The following COL6A5 variants were observed in gnomAD, a reference collection of about 807,000 sequenced individuals.
COL6A5 encodes the protein collagen alpha-5(VI) chain.
COL6A5 carries 48 observed loss-of-function variants against 65.6 expected under a neutral mutation model. The ratio of observed to expected loss-of-function variants is 0.73; its 90% CI spans 0.58 to 0.93. COL6A5 has a LOEUF of 0.93. Among genes scored for constraint, COL6A5 ranks in the 40% least tolerant of loss-of-function variants. The pLI is 0.00. For missense variants in COL6A5, 914 were observed against 928.3 expected (o/e 0.98, Z 0.20); for synonymous variants, 291 against 322.8 (o/e 0.90, Z 1.05).
chr3:130,384,944 G>C, exon 5 of COL6A5: 2 of 1,550,994 alleles, frequency 1.3e-6, no homozygotes, highest in South Asian at 1.2e-5. Context: ...CAAAGTCCGA[G>C]TTGGAGTTGT....
At chr3:130,394,760 C>A in intron 7 of COL6A5, 130 bp from the exon 8 acceptor site, 1 of 661,008 alleles carries the variant, frequency 1.5e-6, no homozygotes, top group Non-Finnish European at 2.5e-6. Context: ...GATTCTCTCT[C>A]TTGTTAACTT....
chr3:130,417,477 G>A (rs1318378092), intron 24 of COL6A5, among the ~76,000 whole-genome samples: 2 of 152,058 alleles, frequency 1.3e-5, no homozygotes, highest in Non-Finnish European at 2.9e-5. Context: ...TTCCCTAGGA[G>A]AGAGTGATCT....
At chr3:130,378,537 C>T (rs1056923674) in intron 3 of COL6A5, among the ~76,000 whole-genome samples, 1 of 152,114 alleles carries the variant, frequency 6.6e-6, no homozygotes, top group African/African-American at 2.4e-5. Context: ...CTCTCAGCAA[C>T]TGGAGTGGTA....
In COL6A5 at chr3:130,409,402, G is replaced by A. The variant is rs1937103765; in HGVS notation, c.4542+14G>A. On this transcript the variant is annotated intron_variant and NMD_transcript_variant, in intron 18 of 41. Transcript: ENST00000312481. ...CCAGGGGATCCGGTAAGTTTCTAGG[G>A]CCCAGTTGGCTCTGAATTTTATACT... 6 of 1,543,626 alleles carry A rather than the reference G, an allele frequency of 3.9e-6. No individual in the cohort carries two copies. The highest frequency in any genetic ancestry group is 5.2e-6 in the Non-Finnish European group (6 of 1,143,160).
At chr3:130,396,071 G>A (rs1936590741) in intron 8 of COL6A5, among the ~76,000 whole-genome samples, 1 of 152,218 alleles carries the variant, frequency 6.6e-6, no homozygotes, top group East Asian at 1.9e-4. Flanking sequence ...AGTGAGCAGA[G>A]TATGAGGACA....
At position 130,443,473 on chromosome 3, in the gene COL6A5, TA is replaced by T. The variant is rs1485684156; in HGVS notation, c.1242-2del. On this transcript the variant is annotated splice_acceptor_variant, in intron 3 of 7. Transcript: ENST00000512836. LOFTEE classifies it high-confidence loss of function. The stretch of plus-strand genomic sequence containing the variant: ...TCTAACTATAACTTTGTTCTCTCAA[TA>T]GGGGGATTCAATCAGTACCCACCAC... 1.3e-6 allele frequency: 2 copies of T among 1,595,960 alleles called. No individual in the cohort carries two copies. Among genetic ancestry groups the T allele is most frequent in the East Asian group, 4.5e-5 (2 of 44,698 alleles).
intron 5 of COL6A5, 112 bp downstream of exon 5, chr3:130,385,476 G>A: frequency 8.8e-7 from 1 of 1,137,958 alleles, no homozygotes; most frequent in Middle Eastern, 3.0e-4. Flanking sequence ...ATAACATTTT[G>A]CTAGCTTCCT....
At chr3:130,422,337 AGATT>A (rs1389811726) in intron 27 of COL6A5, among the ~76,000 whole-genome samples, 4 of 149,570 alleles carry the variant, frequency 2.7e-5, no homozygotes, top group East Asian at 2.0e-4. Flanking sequence ...AAATCAGAAT[AGATT>A]ATTTTCACCT....
exon 6 of COL6A5, chr3:130,468,983 C>A (rs775861150): frequency 1.2e-6 from 2 of 1,612,726 alleles, no homozygotes; most frequent in African/African-American, 1.3e-5. Context: ...TGCCCCCACT[C>A]CACTGACCTC....
chr3:130,452,517 G>C (rs575054319), intron 4 of COL6A5, among the ~76,000 whole-genome samples: 2 of 152,226 alleles, frequency 1.3e-5, no homozygotes, highest in South Asian at 4.1e-4. Context: ...GTTTTTATTT[G>C]GGATTTTCAA....
chr3:130,471,748 G>A (rs1395574990), intron 7 of COL6A5: 1 of 1,534,480 alleles, frequency 6.5e-7, no homozygotes, highest in South Asian at 1.2e-5. Flanking sequence ...TTGATTCCCA[G>A]GCACAACATC....
chr3:130,433,586 A>T (rs1937909688), intron 1 of COL6A5, among the ~76,000 whole-genome samples: 1 of 151,982 alleles, frequency 6.6e-6, no homozygotes, highest in Non-Finnish European at 1.5e-5. Flanking sequence ...CACTCAGGAC[A>T]TCCTCCTCTC....
intron 4 of COL6A5, among the ~76,000 whole-genome samples, chr3:130,382,456 A>C (rs1275761561): frequency 6.8e-6 from 1 of 147,372 alleles, no homozygotes; most frequent in Non-Finnish European, 1.5e-5. Context: ...TACAGGTGAA[A>C]ACACCAATAG....
At chr3:130,452,860 GC>G (rs879399007) in intron 4 of COL6A5, among the ~76,000 whole-genome samples, 30 of 152,206 alleles carry the variant, frequency 2.0e-4, no homozygotes, top group Admixed American at 1.9e-3. Flanking sequence ...CATTTTAGAG[GC>G]CCACCCTCAG....
At chr3:130,410,976 T>G (rs1577481584) in intron 20 of COL6A5, among the ~76,000 whole-genome samples, 1 of 152,300 alleles carries the variant, frequency 6.6e-6, no homozygotes, top group African/African-American at 2.4e-5. Flanking sequence ...CTTTGGTAGC[T>G]TACATAAGAA....
At chr3:130,388,766 A>G in exon 6 of COL6A5, 1 of 1,551,374 alleles carries the variant, frequency 6.4e-7, no homozygotes, top group Non-Finnish European at 8.7e-7. Context: ...TTCCAGCTTA[A>G]TAGATATTTT....
chr3:130,481,119 C>T (rs1371531657), intron 7 of COL6A5, among the ~76,000 whole-genome samples: 1 of 151,736 alleles, frequency 6.6e-6, no homozygotes, highest in Admixed American at 6.6e-5. Context: ...CATAGGTATA[C>T]ACGTGCCATG....
exon 3 of COL6A5, chr3:130,440,731 A>G: frequency 6.2e-7 from 1 of 1,613,312 alleles, no homozygotes; most frequent in Non-Finnish European, 8.5e-7. Flanking sequence ...CCAGCTACCC[A>G]CTTGATCAAC....
intron 17 of COL6A5, 150 bp downstream of exon 17, chr3:130,406,471 A>G: frequency 3.1e-6 from 2 of 645,824 alleles, no homozygotes; most frequent in African/African-American, 1.8e-5. Flanking sequence ...TATGCTGCAT[A>G]TCTGATTGAA....
Sources: allele counts gnomAD v4.1 joint callset (sites outside exome capture counted in the v4.1 genomes callset), GRCh38; gene constraint gnomAD v4.1.1; transcripts MANE v1.5; gene names NCBI Gene and HGNC (gene_info 2026-07-23, HGNC 2026-07-21).